Variants in FGD6 observed in about 807,000 individuals in gnomAD.
The protein encoded by FGD6 is FYVE, RhoGEF and PH domain-containing protein 6.
FGD6 carries 90 observed loss-of-function variants against 149.4 expected under a neutral mutation model. That is an observed-to-expected ratio of 0.60 (90% CI 0.51 to 0.72). The LOEUF is 0.72. Ranked by LOEUF, FGD6 falls within the 30% of genes least tolerant of loss-of-function variation. The probability of loss-of-function intolerance (pLI) is 0.00; values close to 1 mark genes in which losing one functional copy is unlikely to be tolerated. For synonymous variants in FGD6, 527 were observed against 584.0 expected (o/e 0.90, Z 1.41); for missense variants, 1,437 against 1,684.8 (o/e 0.85, Z 2.57).
chr12:95,188,168 A>T (rs1047085180), intron 2 of FGD6, among the ~76,000 whole-genome samples: 52 of 152,110 alleles, frequency 3.4e-4, no homozygotes, highest in African/African-American at 1.2e-3. Context: ...AAAGAGTCCT[A>T]TTTCTTTTCT....
chr12:95,146,357 T>C (rs1880016203), intron 5 of FGD6, among the ~76,000 whole-genome samples: 1 of 152,202 alleles, frequency 6.6e-6, no homozygotes, highest in Non-Finnish European at 1.5e-5. Flanking sequence ...GAAAGTGTGA[T>C]GACACTTAAA....
chr12:95,175,947 T>TA (rs1483162544), intron 2 of FGD6, among the ~76,000 whole-genome samples: 1 of 152,090 alleles, frequency 6.6e-6, no homozygotes, highest in Non-Finnish European at 1.5e-5. Context: ...AAACAAATGT[T>TA]AAAACAAGGG....
chr12:95,211,181 C>T lies in FGD6; in HGVS notation c.103G>A (p.Asp35Asn), dbSNP rs1180703198. ...PAPPPIAPKPDIVISSVPQST... is the reference protein window; with the variant it reads ...PAPPPIAPKPNIVISSVPQST... ...TGTGGAACACTAGAAATCACAATGT[C>T]GGGTTTAGGTGCAATAGGAGGTGGG... is the stretch of plus-strand genomic sequence containing the variant. The change falls in exon 2 of 21, where the codon GAC becomes AAC. Residue 35 changes from aspartate to asparagine, a missense_variant. Asp to Asn is a conservative substitution (Grantham distance 23). Coordinates refer to ENST00000343958, the MANE Select transcript of FGD6 (RefSeq NM_018351.4). The T allele has an allele frequency of 3.7e-6, 6 of 1,613,874 alleles. No homozygotes were observed. Among genetic ancestry groups the T allele is most frequent in the South Asian group, 2.2e-5 (2 of 91,078 alleles).
rs189462827 is a variant in FGD6, at chr12:95,146,825, T to C, written c.2686-5286A>G. Among the ~76,000 whole-genome samples the C allele has an allele frequency of 2.7e-3, 406 of 152,286 alleles. 3 individuals are homozygous for C. Among genetic ancestry groups the C allele is most frequent in the Non-Finnish European group, 4.0e-3 (270 of 68,018 alleles). On this transcript the variant is annotated intron_variant, in intron 5 of 20. Coordinates refer to ENST00000343958, the MANE Select transcript of FGD6 (RefSeq NM_018351.4). Reference sequence around the variant, plus strand: ...AAGTTGATCTTTAATTCTTTTGAGATATTAACATACCAGCTTGGCCAGCTC... The same window carrying C: ...AAGTTGATCTTTAATTCTTTTGAGACATTAACATACCAGCTTGGCCAGCTC...
chr12:95,131,395 C>T (rs1879516082), intron 8 of FGD6, among the ~76,000 whole-genome samples: 1 of 152,150 alleles, frequency 6.6e-6, no homozygotes, highest in Non-Finnish European at 1.5e-5. Flanking sequence ...AGGCGTGAGA[C>T]ACCACACCTG....
chr12:95,175,793 C>CT, intron 2 of FGD6, among the ~76,000 whole-genome samples: 1 of 129,780 alleles, frequency 7.7e-6, no homozygotes, highest in South Asian at 2.4e-4. Flanking sequence ...GAGTGAGACT[C>CT]TGTCTCAAAA....
intron 13 of FGD6, among the ~76,000 whole-genome samples, chr12:95,106,711 A>T (rs1287370469): frequency 6.6e-6 from 1 of 150,874 alleles, no homozygotes; most frequent in Non-Finnish European, 1.5e-5. Flanking sequence ...GCCTGCCAAC[A>T]TGGTGAAACC....
chr12:95,125,533 C>T (rs1180448305), intron 8 of FGD6, among the ~76,000 whole-genome samples: 4 of 152,034 alleles, frequency 2.6e-5, no homozygotes, highest in South Asian at 2.1e-4. Flanking sequence ...CTACTTGGTA[C>T]GCTGAAGTGG....
intron 14 of FGD6, among the ~76,000 whole-genome samples, chr12:95,102,894 T>C (rs972560051): frequency 2.0e-5 from 3 of 152,214 alleles, no homozygotes; most frequent in African/African-American, 7.2e-5. Context: ...ATTTTTCTAA[T>C]CTGGAAGATC....
intron 18 of FGD6, among the ~76,000 whole-genome samples, chr12:95,088,757 G>A (rs3794256): frequency 0.12 from 18,701 of 152,212 alleles, 1,488 homozygotes; most frequent in Non-Finnish European, 0.18. Context: ...AACAAGAAAC[G>A]AAGTATGGAT....
At chr12:95,109,055 G>A (rs1475606169) in intron 9 of FGD6, among the ~76,000 whole-genome samples, 1 of 152,162 alleles carries the variant, frequency 6.6e-6, no homozygotes, top group African/African-American at 2.4e-5. Context: ...CTGATTCCAA[G>A]AGGCATGAAT....
intron 2 of FGD6, among the ~76,000 whole-genome samples, chr12:95,208,003 C>T (rs907513535): frequency 6.6e-6 from 1 of 152,142 alleles, no homozygotes; most frequent in East Asian, 1.9e-4. Flanking sequence ...GTAATCCCAA[C>T]CCTTTGGGAG....
intron 20 of FGD6, among the ~76,000 whole-genome samples, chr12:95,084,183 G>T (rs764567577): frequency 2.0e-5 from 3 of 152,194 alleles, no homozygotes; most frequent in Non-Finnish European, 2.9e-5. Context: ...AGAAGGAGAG[G>T]TCAAATGCCT....
rs947231556 is a variant in FGD6, at chr12:95,079,549, G to A, written c.*1971C>T. 2.0e-5 allele frequency: 3 copies of A among 152,150 alleles called. No homozygotes were observed. The highest frequency in any genetic ancestry group is 4.4e-5 in the Non-Finnish European group (3 of 68,030). 9.4% of individuals were successfully genotyped at this position (152,150 alleles called of 1,614,324 possible). A position where few individuals can be genotyped will look rare whatever the true frequency, so the allele number is the denominator to read the frequency against. On this transcript the variant is annotated 3_prime_UTR_variant, in exon 21 of 21. Coordinates refer to ENST00000343958, the MANE Select transcript of FGD6 (RefSeq NM_018351.4). Reference sequence around the variant, plus strand: ...GCCAGACGCAGAAACAGTTTATAAGGTACAACTTTAGCCTCCAAAAAGGAA... The same window carrying A: ...GCCAGACGCAGAAACAGTTTATAAGATACAACTTTAGCCTCCAAAAAGGAA...
intron 2 of FGD6, among the ~76,000 whole-genome samples, chr12:95,184,063 T>C (rs775278146): frequency 6.6e-6 from 1 of 152,222 alleles, no homozygotes; most frequent in Admixed American, 6.5e-5. Context: ...TTAACTTACA[T>C]GTTCCAGAAA....
At chr12:95,113,337 A>G (rs550505784) in intron 9 of FGD6, among the ~76,000 whole-genome samples, 78 of 150,962 alleles carry the variant, frequency 5.2e-4, no homozygotes, top group African/African-American at 1.6e-3. Flanking sequence ...GGTTCAAGCA[A>G]TTCTCCTGCC....
Position 95,096,513 on chromosome 12 carries a change from C to T in FGD6, c.3498-1819G>A, listed in dbSNP as rs542655882. On this transcript the variant is annotated intron_variant, in intron 14 of 20. Coordinates refer to ENST00000343958, the MANE Select transcript of FGD6 (RefSeq NM_018351.4). The stretch of plus-strand genomic sequence containing the variant: ...CCAAACAAAACCCTGCCTTATTTAC[C>T]GCTACTATTCTAGCATTACTGCCAA... Among the ~76,000 whole-genome samples, 30 of 152,280 alleles carry T rather than the reference C, an allele frequency of 2.0e-4. No individual in the cohort carries two copies. In the East Asian group the frequency reaches 2.7e-3, roughly 14 times the overall value.
chr12:95,187,652 C>CAAAAAAA (rs748641850), intron 2 of FGD6, among the ~76,000 whole-genome samples: 1 of 106,688 alleles, frequency 9.4e-6, no homozygotes. Flanking sequence ...GCTGCGTCCC[C>CAAAAAAA]AAAAAAAAAA....
Position 95,078,799 on chromosome 12 carries a change from T to C in FGD6, c.*2721A>G, listed in dbSNP as rs1226835649. The stretch of plus-strand genomic sequence containing the variant: ...TTGGGGACACTAACAATGCCAGCCT[T>C]CCCCTGGTTCAGCCTGGCGTCTCAT... On this transcript the variant is annotated 3_prime_UTR_variant, in exon 21 of 21. Transcript: ENST00000343958. 1 of 152,198 alleles carries C rather than the reference T, an allele frequency of 6.6e-6. No homozygotes were observed. Among genetic ancestry groups the C allele is most frequent in the African/African-American group, 2.4e-5 (1 of 41,452 alleles). 9.4% of individuals were successfully genotyped at this position (152,198 alleles called of 1,614,324 possible).
Sources: allele counts gnomAD v4.1 joint callset (sites outside exome capture counted in the v4.1 genomes callset), GRCh38; gene constraint gnomAD v4.1.1; transcripts MANE v1.5; gene names NCBI Gene and HGNC (gene_info 2026-07-23, HGNC 2026-07-21).